Variants in FHIP2A observed in about 807,000 individuals in gnomAD.
The protein encoded by FHIP2A is FHF complex subunit HOOK interacting protein 2A, also known as family with sequence similarity 160 member B1.
A neutral mutation model predicts 93.5 loss-of-function variants in FHIP2A; 46 were observed. That is an observed-to-expected ratio of 0.49 (90% CI 0.39 to 0.63). The LOEUF (loss-of-function observed/expected upper bound fraction) is 0.63. FHIP2A is among the 20% of genes least tolerant of loss of function. FHIP2A has a pLI of 0.00. For missense variants in FHIP2A, 769 were observed against 909.7 expected, an observed-to-expected ratio of 0.85 and a Z score of 1.99; for synonymous variants, 332 against 326.5, an observed-to-expected ratio of 1.02 and a Z score of -0.18.
chr10:114,834,806 C>G (rs1244292536), intron 3 of FHIP2A, among the ~76,000 whole-genome samples: 4 of 152,140 alleles, frequency 2.6e-5, no homozygotes, highest in African/African-American at 9.7e-5. Flanking sequence ...ACAGTTGACC[C>G]TTGAACAACA....
intron 5 of FHIP2A, among the ~76,000 whole-genome samples, chr10:114,838,049 A>C (rs578057347): frequency 6.6e-6 from 1 of 152,310 alleles, no homozygotes; most frequent in East Asian, 1.9e-4. Flanking sequence ...TCACCAGATC[A>C]TATGGTAAGT....
chr10:114,870,016 T>G (rs1269808276), intron 16 of FHIP2A, among the ~76,000 whole-genome samples: 1 of 152,208 alleles, frequency 6.6e-6, no homozygotes, highest in African/African-American at 2.4e-5. Flanking sequence ...GTAATTAATT[T>G]GACATAGATA....
intron 3 of FHIP2A, among the ~76,000 whole-genome samples, chr10:114,835,232 T>A (rs1253849111): frequency 2.0e-5 from 3 of 152,210 alleles, no homozygotes; most frequent in Non-Finnish European, 4.4e-5. Flanking sequence ...TATAAACAGG[T>A]TGACATTGAC....
chr10:114,851,162 C>T (rs781319120), intron 13 of FHIP2A, among the ~76,000 whole-genome samples: 1 of 152,192 alleles, frequency 6.6e-6, no homozygotes, highest in Non-Finnish European at 1.5e-5. Flanking sequence ...GATCTGCCCA[C>T]CTTGGCCTCT....
At chr10:114,899,687 G>C (rs1432119402) in exon 17 of FHIP2A, 15 of 535,042 alleles carry the variant, frequency 2.8e-5, no homozygotes, top group Non-Finnish European at 4.7e-5. Flanking sequence ...CAGAACTTTG[G>C]CTTGACCAGG....
At chr10:114,855,370 A>G in intron 14 of FHIP2A, 30 bp downstream of exon 14, 1 of 1,532,340 alleles carries the variant, frequency 6.5e-7, no homozygotes, top group Middle Eastern at 1.7e-4. Flanking sequence ...TAATTTTCAT[A>G]TTTTTTTTTG....
At chr10:114,868,871 C>T (rs2083843804), downstream of FHIP2A, among the ~76,000 whole-genome samples, 1 of 152,144 alleles carries the variant, frequency 6.6e-6, no homozygotes, top group African/African-American at 2.4e-5. Flanking sequence ...AGGATCCAAA[C>T]AAGCCAGGAA....
At position 114,846,256 on chromosome 10, in the gene FHIP2A, A is replaced by G. The variant is rs750656077; in HGVS notation, c.1287A>G (p.Glu429=). 2 of 1,614,158 alleles carry G rather than the reference A, an allele frequency of 1.2e-6. No homozygotes were observed. The highest frequency in any genetic ancestry group is 1.1e-5 in the South Asian group (1 of 91,078). The part of the protein sequence containing the change: ...RQVTSDVLLQ[E]MVFFILGEQR... ...TGACCTCTGATGTTTTGCTTCAAGA[A>G]ATGGTGTTTTTTATCCTTGGAGAAC... The change falls in exon 10 of 17, where the codon GAA becomes GAG. Residue 429 remains glutamate (E), a synonymous_variant. Transcript: ENST00000369248.
chr10:114,827,601 T>C (rs1346450230), intron 1 of FHIP2A, among the ~76,000 whole-genome samples: 2 of 152,050 alleles, frequency 1.3e-5, no homozygotes, highest in Non-Finnish European at 2.9e-5. Flanking sequence ...ATCGAGACCA[T>C]CCTGGCTAAC....
chr10:114,822,044 C>A lies in FHIP2A; in HGVS notation c.-35C>A. The A allele has an allele frequency of 1.6e-6, 2 of 1,256,852 alleles. No individual in the cohort carries two copies. Among genetic ancestry groups the A allele is most frequent in the South Asian group, 5.0e-5 (2 of 40,102 alleles). The allele number at this position is 1,256,852 out of a possible 1,614,324, so 77.9% of individuals were successfully genotyped here. Reference sequence around the variant, plus strand: ...CGGCGGATCGAGGAGCTCTCCAGGTCGTCCCGGGAGAGGCTGCTGCAGTCC... The same window carrying A: ...CGGCGGATCGAGGAGCTCTCCAGGTAGTCCCGGGAGAGGCTGCTGCAGTCC... On this transcript the variant is annotated 5_prime_UTR_variant, in exon 1 of 17. Coordinates refer to ENST00000369248, the MANE Select transcript of FHIP2A (RefSeq NM_020940.4).
At position 114,842,938 on chromosome 10, in the gene FHIP2A, G is replaced by C. The variant is rs1357964900; in HGVS notation, c.528G>C (p.Lys176Asn). 6 of 1,588,878 alleles carry C rather than the reference G, an allele frequency of 3.8e-6. No homozygotes were observed. Among genetic ancestry groups the C allele is most frequent in the Non-Finnish European group, 5.2e-6 (6 of 1,159,856 alleles). The change falls in exon 6 of 17, where the codon AAG becomes AAC. Residue 176 changes from lysine to asparagine, a missense_variant. By Grantham distance (94) the Lys-to-Asn change is moderately conservative (BLOSUM62 0). Transcript: ENST00000369248. ...PYLVNFFLEN[K>N]MKSLASKGVP... is the part of the protein sequence containing the mutation. ...AAACATATATTCCTTTTCAGAATAAGATGAAATCATTGGCTTCCAAAGGAG... is the reference window on the plus strand; with the variant it reads ...AAACATATATTCCTTTTCAGAATAACATGAAATCATTGGCTTCCAAAGGAG...
At chr10:114,867,434 G>A (rs1295135653), downstream of FHIP2A, among the ~76,000 whole-genome samples, 1 of 152,080 alleles carries the variant, frequency 6.6e-6, no homozygotes, top group Non-Finnish European at 1.5e-5. Context: ...ATAGTGAGAA[G>A]GCACATAGTC....
intron 16 of FHIP2A, among the ~76,000 whole-genome samples, chr10:114,871,114 TTATATA>T (rs60183937): frequency 1.4e-5 from 2 of 147,784 alleles, no homozygotes; most frequent in East Asian, 3.9e-4. Flanking sequence ...ATATATACTG[TTATATA>T]TATATATTAT....
At chr10:114,826,839 C>A (rs553029183) in intron 1 of FHIP2A, among the ~76,000 whole-genome samples, 3 of 152,104 alleles carry the variant, frequency 2.0e-5, no homozygotes, top group Non-Finnish European at 4.4e-5. Flanking sequence ...ACTAAAAATA[C>A]AAAAATTAGC....
intron 9 of FHIP2A, 32 bp downstream of exon 9, chr10:114,846,121 G>A (rs777097631): frequency 8.1e-6 from 13 of 1,611,342 alleles, no homozygotes; most frequent in South Asian, 4.4e-5. Flanking sequence ...GAAAAAAACC[G>A]CATCACTGTG....
At chr10:114,822,190 T>A (rs920553837) in intron 1 of FHIP2A, 67 bp downstream of exon 1, 3 of 1,044,436 alleles carry the variant, frequency 2.9e-6, no homozygotes, top group South Asian at 7.9e-5. Context: ...CCCGGCGGCC[T>A]CGGGGACAAG....
intron 15 of FHIP2A, 47 bp downstream of exon 15, chr10:114,860,936 C>A: frequency 6.5e-7 from 1 of 1,537,584 alleles, no homozygotes; most frequent in Non-Finnish European, 9.0e-7. Context: ...TAAATCTGTG[C>A]AATTAATATG....
At chr10:114,860,988 A>G (rs2083794995) in intron 15 of FHIP2A, 99 bp downstream of exon 15, 1 of 1,197,814 alleles carries the variant, frequency 8.3e-7, no homozygotes, top group Non-Finnish European at 1.2e-6. Context: ...AATGAAAAAT[A>G]TATCTACTGC....
intron 16 of FHIP2A, among the ~76,000 whole-genome samples, chr10:114,875,716 GAGAA>G (rs888053528): frequency 3.8e-4 from 55 of 145,462 alleles, no homozygotes; most frequent in Middle Eastern, 3.4e-3. Flanking sequence ...AAGAAAGAGA[GAGAA>G]AGAAAGAAAG....
Sources: allele counts gnomAD v4.1 joint callset (sites outside exome capture counted in the v4.1 genomes callset), GRCh38; gene constraint gnomAD v4.1.1; transcripts MANE v1.5; gene names NCBI Gene and HGNC (gene_info 2026-07-23, HGNC 2026-07-21).